Variants in TBC1D8B observed in about 807,000 individuals in gnomAD.
The protein encoded by TBC1D8B is TBC1 domain family member 8B.
TBC1D8B carries 75 observed loss-of-function variants against 82.9 expected under a neutral mutation model. That is an observed-to-expected ratio of 0.90 (90% CI 0.75 to 1.10). The LOEUF is 1.10. TBC1D8B is among the 50% of genes least tolerant of loss of function. The pLI, the probability that TBC1D8B is intolerant of heterozygous loss-of-function variation, is 0.00. For synonymous variants in TBC1D8B, 276 were observed against 276.8 expected (o/e 1.00, Z 0.03); for missense variants, 794 against 796.9 (o/e 1.00, Z 0.04).
At chrX:106,846,081 TTCTCTC>T (rs1392367284) in intron 10 of TBC1D8B, among the ~76,000 whole-genome samples, 2 of 104,080 alleles carry the variant, frequency 1.9e-5, no homozygotes, top group African/African-American at 3.5e-5. Flanking sequence ...TCTTTCTTTT[TTCTCTC>T]TCTCTCTCTT....
chrX:106,806,052 C>T (rs1359904890), intron 1 of TBC1D8B, among the ~76,000 whole-genome samples: 4 of 112,439 alleles, frequency 3.6e-5, no homozygotes, highest in Admixed American at 9.4e-5. Context: ...TGTAATGACT[C>T]TTAAGTGTGG....
intron 1 of TBC1D8B, among the ~76,000 whole-genome samples, chrX:106,813,094 G>C (rs1400856735): frequency 5.4e-5 from 6 of 111,847 alleles, no homozygotes. Context: ...CTGACCTCAG[G>C]TGATTCACCC....
At position 106,827,338 on chromosome X, in the gene TBC1D8B, G is replaced by T; in HGVS notation, c.1203+1G>T. ...TCAATATCATGATATTAGCACAGAG[G>T]TAATTAATTATACAGCAATCAAATC... On this transcript the variant is annotated splice_donor_variant, in intron 7 of 20. Coordinates refer to ENST00000357242, the MANE Select transcript of TBC1D8B (RefSeq NM_017752.3). LOFTEE classifies it high-confidence loss of function. The T allele has an allele frequency of 8.3e-7, 1 of 1,209,218 alleles. No homozygotes were observed. The highest frequency in any genetic ancestry group is 1.1e-6 in the Non-Finnish European group (1 of 893,943).
intron 1 of TBC1D8B, among the ~76,000 whole-genome samples, chrX:106,803,681 C>G (rs894679220): frequency 3.6e-5 from 4 of 111,759 alleles, no homozygotes; most frequent in Non-Finnish European, 3.8e-5. Context: ...TCATTCAAAG[C>G]TGTGATTGTA....
At chrX:106,871,273 TTG>T (rs1932846720) in intron 20 of TBC1D8B, among the ~76,000 whole-genome samples, 1 of 111,076 alleles carries the variant, frequency 9.0e-6, no homozygotes, top group African/African-American at 3.3e-5. Context: ...GTTCTTCTTT[TTG>T]TAATTAAAAT....
In TBC1D8B at chrX:106,830,945, T is replaced by G. The variant is rs1207833313; in HGVS notation, c.1203+3608T>G. Among the ~76,000 whole-genome samples, 4 of 102,289 alleles carry G rather than the reference T, an allele frequency of 3.9e-5. No homozygotes were observed. In the Admixed American group the frequency reaches 4.1e-4, roughly 10 times the overall value. 88.8% of individuals were successfully genotyped at this position (102,289 alleles called of 115,157 possible). On this transcript the variant is annotated intron_variant, in intron 7 of 20. Coordinates refer to ENST00000357242, the MANE Select transcript of TBC1D8B (RefSeq NM_017752.3). ...ATGTACCCTAAAACTTAAAGTATAATAATAATAAATAAATAAATAAATAAA... is the reference window on the plus strand; with the variant it reads ...ATGTACCCTAAAACTTAAAGTATAAGAATAATAAATAAATAAATAAATAAA...
chrX:106,867,123 T>C (rs1337958048), intron 17 of TBC1D8B, among the ~76,000 whole-genome samples: 1 of 111,810 alleles, frequency 8.9e-6, no homozygotes, highest in Non-Finnish European at 1.9e-5. Flanking sequence ...AGTTTGTATA[T>C]AAGAATCACA....
chrX:106,806,184 A>G (rs538764677), intron 1 of TBC1D8B, among the ~76,000 whole-genome samples: 2 of 112,236 alleles, frequency 1.8e-5, no homozygotes, highest in South Asian at 7.5e-4. Flanking sequence ...CCTCTTTTAA[A>G]TTGTTGAAAC....
chrX:106,860,341 GT>G (rs1236737463), intron 14 of TBC1D8B, among the ~76,000 whole-genome samples: 6 of 4,957 alleles, frequency 1.2e-3, no homozygotes, highest in East Asian at 7.1e-3. Flanking sequence ...TTTATGATTG[GT>G]GTGTGTGTGT....
intron 1 of TBC1D8B, among the ~76,000 whole-genome samples, chrX:106,817,323 G>C (rs964082270): frequency 1.7e-4 from 19 of 111,042 alleles, no homozygotes; most frequent in Admixed American, 4.8e-4. Context: ...TTAGAAAGTA[G>C]TTATAATAAC....
At chrX:106,846,780 G>A (rs1379682631) in intron 10 of TBC1D8B, among the ~76,000 whole-genome samples, 1 of 111,455 alleles carries the variant, frequency 9.0e-6, no homozygotes, top group Non-Finnish European at 1.9e-5. Context: ...TATATGAAAG[G>A]TATGAAAGTA....
intron 10 of TBC1D8B, among the ~76,000 whole-genome samples, chrX:106,841,128 A>G (rs1932296462): frequency 8.9e-6 from 1 of 111,829 alleles, no homozygotes; most frequent in Admixed American, 9.6e-5. Flanking sequence ...TCTGCTAGGT[A>G]CTTAAGGCTA....
chrX:106,864,658 A>G (rs1932802114), intron 14 of TBC1D8B, among the ~76,000 whole-genome samples: 1 of 108,369 alleles, frequency 9.2e-6, no homozygotes, highest in Non-Finnish European at 1.9e-5. Context: ...AGCTGCGATT[A>G]TAGGCATACG....
chrX:106,831,770 A>G (rs1040702327), intron 7 of TBC1D8B, among the ~76,000 whole-genome samples: 10 of 110,970 alleles, frequency 9.0e-5, no homozygotes, highest in African/African-American at 1.6e-4. Context: ...CTAGTTTCTC[A>G]CTCGTTTTTA....
At chrX:106,856,036 C>T (rs192128208) in intron 14 of TBC1D8B, among the ~76,000 whole-genome samples, 1 of 112,055 alleles carries the variant, frequency 8.9e-6, no homozygotes, top group African/African-American at 3.2e-5. Context: ...GACCTTGTCT[C>T]TAAAACAAAC....
intron 17 of TBC1D8B, 146 bp from the exon 18 acceptor site, chrX:106,868,247 G>A: frequency 3.7e-6 from 1 of 273,909 alleles, no homozygotes; most frequent in Non-Finnish European, 6.6e-6. Flanking sequence ...CAGTAGAGTA[G>A]AACCACTTCT....
At chrX:106,873,428 G>C in intron 20 of TBC1D8B, 142 bp from the exon 21 acceptor site, 1 of 592,560 alleles carries the variant, frequency 1.7e-6, no homozygotes, top group South Asian at 4.1e-5. Flanking sequence ...ATGTATTTTG[G>C]GGTTAATCAC....
At chrX:106,846,288 A>C (rs934910413) in intron 10 of TBC1D8B, among the ~76,000 whole-genome samples, 1 of 105,712 alleles carries the variant, frequency 9.5e-6, no homozygotes, top group African/African-American at 3.5e-5. Flanking sequence ...TTGTATTTTT[A>C]GTAGATACTG....
intron 12 of TBC1D8B, among the ~76,000 whole-genome samples, chrX:106,851,404 A>G (rs1247296693): frequency 8.9e-6 from 1 of 111,887 alleles, no homozygotes; most frequent in Non-Finnish European, 1.9e-5. Flanking sequence ...ACAAAAAACA[A>G]GTTCCACTTC....
Sources: gnomAD v4.1 joint callset for allele counts (sites outside exome capture counted in the v4.1 genomes callset) on GRCh38, gnomAD v4.1.1 for gene constraint, MANE v1.5 for transcripts, NCBI Gene and HGNC (gene_info 2026-07-23, HGNC 2026-07-21) for gene names.